TRIO: variants seen among roughly 807,000 people sequenced by gnomAD.
TRIO encodes trio Rho guanine nucleotide exchange factor, also known as triple functional domain protein.
TRIO carries 58 observed loss-of-function variants against 351.9 expected under a neutral mutation model. The observed-to-expected ratio is 0.16, with a 90% CI of 0.13 to 0.21. The LOEUF is 0.21. Ranked by LOEUF, TRIO falls within the 10% of genes least tolerant of loss-of-function variation. The pLI is 1.00. For missense variants in TRIO, 3,201 were observed against 4,027.8 expected, an observed-to-expected ratio of 0.79 and a Z score of 5.56; for synonymous variants, 1,758 against 1,595.7, an observed-to-expected ratio of 1.10 and a Z score of -2.42.
intron 1 of TRIO, among the ~76,000 whole-genome samples, chr5:14,190,812 G>A (rs978414255): frequency 6.6e-5 from 10 of 152,066 alleles, no homozygotes; most frequent in Admixed American, 6.5e-4. Flanking sequence ...GATCACCTCA[G>A]AAGTATCTCA....
At chr5:14,190,267 G>C (rs1790378068) in intron 1 of TRIO, among the ~76,000 whole-genome samples, 1 of 152,080 alleles carries the variant, frequency 6.6e-6, no homozygotes, top group African/African-American at 2.4e-5. Context: ...AGGCAGTCCA[G>C]CTAGCGGCAC....
intron 1 of TRIO, among the ~76,000 whole-genome samples, chr5:14,220,049 CT>C (rs35237881): frequency 4.6e-3 from 432 of 94,662 alleles, no homozygotes; most frequent in Middle Eastern, 7.1e-3. Flanking sequence ...TCTTCTTCTT[CT>C]TTTTTTTTTT....
At chr5:14,419,390 C>T (rs531907963) in intron 33 of TRIO, among the ~76,000 whole-genome samples, 1 of 152,292 alleles carries the variant, frequency 6.6e-6, no homozygotes, top group South Asian at 2.1e-4. Flanking sequence ...AAAGAGCCCA[C>T]ATATTCCAAA....
At chr5:14,474,355 G>C (rs952574538) in intron 40 of TRIO, among the ~76,000 whole-genome samples, 2 of 152,200 alleles carry the variant, frequency 1.3e-5, no homozygotes, top group African/African-American at 4.8e-5. Context: ...CACCAGCGTG[G>C]AGCCAGCTGC....
chr5:14,362,149 C>T (rs926152793), intron 13 of TRIO, among the ~76,000 whole-genome samples: 1 of 152,174 alleles, frequency 6.6e-6, no homozygotes, highest in African/African-American at 2.4e-5. Context: ...TATACCGAAG[C>T]ACAGAGGACA....
At chr5:14,236,176 C>G (rs866491376) in intron 1 of TRIO, among the ~76,000 whole-genome samples, 1 of 151,994 alleles carries the variant, frequency 6.6e-6, no homozygotes, top group Non-Finnish European at 1.5e-5. Flanking sequence ...TAAAGCCTCC[C>G]CACCCCACCC....
At chr5:14,201,889 G>C (rs1394430630) in intron 1 of TRIO, among the ~76,000 whole-genome samples, 1 of 146,838 alleles carries the variant, frequency 6.8e-6, no homozygotes, top group Non-Finnish European at 1.5e-5. Flanking sequence ...AAAATTGCGT[G>C]TTCTCACTCA....
intron 1 of TRIO, among the ~76,000 whole-genome samples, chr5:14,193,722 C>T (rs139132877): frequency 2.1e-3 from 316 of 152,300 alleles, no homozygotes; most frequent in Middle Eastern, 0.01. Flanking sequence ...CAGAGAGTAT[C>T]TCATTGAACA....
At chr5:14,402,128 C>T (rs555357518) in intron 31 of TRIO, among the ~76,000 whole-genome samples, 10 of 152,194 alleles carry the variant, frequency 6.6e-5, no homozygotes, top group South Asian at 4.1e-4. Context: ...TCAGTTGCAC[C>T]GATAGCTAAA....
At chr5:14,254,585 C>CA (rs1794924727) in intron 1 of TRIO, among the ~76,000 whole-genome samples, 6 of 152,174 alleles carry the variant, frequency 3.9e-5, no homozygotes, top group Non-Finnish European at 8.8e-5. Context: ...GGCCATCTTT[C>CA]TACCGTTGGT....
At chr5:14,210,548 T>C (rs1470224380) in intron 1 of TRIO, among the ~76,000 whole-genome samples, 1 of 152,232 alleles carries the variant, frequency 6.6e-6, no homozygotes, top group Non-Finnish European at 1.5e-5. Context: ...GGAGGTTATT[T>C]TGCAGCATTT....
chr5:14,288,977 C>T (rs913571317), intron 4 of TRIO, among the ~76,000 whole-genome samples: 1 of 152,192 alleles, frequency 6.6e-6, no homozygotes, highest in African/African-American at 2.4e-5. Context: ...CACAGTGGCT[C>T]ATGCCTGTAA....
intron 9 of TRIO, among the ~76,000 whole-genome samples, chr5:14,325,649 A>G (rs1171093328): frequency 6.6e-6 from 1 of 152,206 alleles, no homozygotes; most frequent in East Asian, 1.9e-4. Context: ...CAAACAAACC[A>G]CAGCAGAGAG....
intron 11 of TRIO, among the ~76,000 whole-genome samples, chr5:14,345,617 G>T (rs1579382606): frequency 6.6e-6 from 1 of 152,198 alleles, no homozygotes; most frequent in Non-Finnish European, 1.5e-5. Context: ...CTGGAGTGCA[G>T]TGGTGTGATC....
At chr5:14,481,708 A>G in intron 45 of TRIO, 90 bp downstream of exon 45, 1 of 1,288,320 alleles carries the variant, frequency 7.8e-7, no homozygotes, top group East Asian at 2.6e-5. Context: ...GAGAAAGCTG[A>G]TCCTTTTCAC....
intron 1 of TRIO, among the ~76,000 whole-genome samples, chr5:14,250,567 G>A (rs1794685440): frequency 6.6e-6 from 1 of 152,154 alleles, no homozygotes; most frequent in South Asian, 2.1e-4. Flanking sequence ...TATTTATTAG[G>A]GGAGTAAAAA....
At chr5:14,251,464 G>T (rs193187031) in intron 1 of TRIO, among the ~76,000 whole-genome samples, 17 of 152,332 alleles carry the variant, frequency 1.1e-4, no homozygotes, top group Non-Finnish European at 1.5e-5. Flanking sequence ...TTTGGAGATG[G>T]AGTGAACTGG....
At chr5:14,391,907 G>C (rs553308746) in intron 27 of TRIO, among the ~76,000 whole-genome samples, 23 of 152,136 alleles carry the variant, frequency 1.5e-4, no homozygotes, top group Non-Finnish European at 2.8e-4. Flanking sequence ...ACACATCACT[G>C]CCTTTGTTAA....
intron 34 of TRIO, among the ~76,000 whole-genome samples, chr5:14,455,268 T>A (rs1007652840): frequency 5.3e-5 from 8 of 152,216 alleles, no homozygotes; most frequent in African/African-American, 1.9e-4. Flanking sequence ...GAGAGCCGAT[T>A]CGCCGATTTT....
Sources: gnomAD v4.1 joint callset for allele counts (sites outside exome capture counted in the v4.1 genomes callset) on GRCh38, gnomAD v4.1.1 for gene constraint, MANE v1.5 for transcripts, NCBI Gene and HGNC (gene_info 2026-07-23, HGNC 2026-07-21) for gene names.